The following SERF2 variants were observed in gnomAD, a reference collection of about 807,000 sequenced individuals.
The protein encoded by SERF2 is gastric cancer-related protein VRG107.
In SERF2, 4 loss-of-function variants were observed where a neutral mutation model predicts 10.7. The observed-to-expected ratio is 0.37, with a 90% CI of 0.18 to 0.86. The LOEUF (loss-of-function observed/expected upper bound fraction) is 0.86, where lower values mean the gene tolerates loss of function less well. Among genes scored for constraint, SERF2 ranks in the 40% least tolerant of loss-of-function variants. The pLI is 0.43. For synonymous variants in SERF2, 26 were observed against 26.0 expected (o/e 1.00, Z 0.01); for missense variants, 47 against 79.1 (o/e 0.59, Z 1.54).
chr15:43,792,130 T>A (rs988134064), upstream of SERF2: 6 of 550,168 alleles, frequency 1.1e-5, no homozygotes, highest in Admixed American at 3.0e-5. Flanking sequence ...CGTCCCTACG[T>A]CTCACTCGGG....
upstream of SERF2, among the ~76,000 whole-genome samples, chr15:43,791,081 C>CT (rs1429880132): frequency 1.6e-3 from 221 of 134,758 alleles, no homozygotes; most frequent in East Asian, 0.013. Flanking sequence ...CTTATTAACT[C>CT]TTTTTTTTTT....
At chr15:43,793,391 G>T (rs1157530861) in intron 2 of SERF2, 13 of 609,988 alleles carry the variant, frequency 2.1e-5, no homozygotes, top group South Asian at 1.4e-4. Flanking sequence ...CAGTACTTTT[G>T]GCCCTCCTTG....
rs2087193965 is a variant in SERF2 at position 43,795,588 on chromosome 15, C to CT, written c.*1817dup. On this transcript the variant is annotated 3_prime_UTR_variant, in exon 3 of 3. Coordinates refer to ENST00000249786, the MANE Select transcript of SERF2 (RefSeq NM_001018108.4). ...TGGGAGCAGAGCTGCTGAAACACCTCTTCCCCTCTCCCCCAACTACCTTTG... is the reference window on the plus strand; with the variant it reads ...TGGGAGCAGAGCTGCTGAAACACCTCTTTCCCCTCTCCCCCAACTACCTTTG... 6.2e-7 allele frequency: 1 copy of CT among 1,612,670 alleles called. No homozygotes were observed. The highest frequency in any genetic ancestry group is 1.3e-5 in the African/African-American group (1 of 74,892).
rs139213057 is a variant in SERF2, at chr15:43,779,235, G to C, written c.-527+1733G>C. 6.0e-3 allele frequency among the ~76,000 whole-genome samples: 913 copies of C among 152,216 alleles called. 5 individuals are homozygous for C. The highest frequency in any genetic ancestry group is 8.7e-3 in the Non-Finnish European group (592 of 68,014). ...GGTGGGAGTCTGAAAATTTTTTTCT[G>C]ATTGCTTCCATTTTTCTCAGTGAAG... On this transcript the variant is annotated intron_variant, in intron 1 of 4. Coordinates refer to the SERF2 transcript ENST00000381359.
Position 43,795,451 on chromosome 15 carries a change from G to T in SERF2, c.*1678G>T. ...GGCAAGGAAGAAGACGAAGTGGAAG[G>T]CAGAATAGTTGTAGGAAAGATGCTG... On this transcript the variant is annotated 3_prime_UTR_variant, in exon 3 of 3. Transcript: ENST00000249786. 6.2e-7 allele frequency: 1 copy of T among 1,614,206 alleles called. No individual in the cohort carries two copies. The highest frequency in any genetic ancestry group is 8.5e-7 in the Non-Finnish European group (1 of 1,180,030).
In SERF2 at chr15:43,794,126, A is replaced by ACT; in HGVS notation, c.*356_*357dup. 1.5e-6 allele frequency: 1 copy of ACT among 677,074 alleles called. No homozygotes were observed. The highest frequency in any genetic ancestry group is 2.4e-6 in the Non-Finnish European group (1 of 413,130). The allele number at this position is 677,074 out of a possible 1,614,324, so 41.9% of individuals were successfully genotyped here. ...GCCCTTTCCCACCAAAAAAGGGAGA[A>ACT]CTCTTTAGATTCAGATTGTGGGTAT... On this transcript the variant is annotated 3_prime_UTR_variant, in exon 3 of 3. Coordinates refer to ENST00000249786, the MANE Select transcript of SERF2 (RefSeq NM_001018108.4).
At chr15:43,787,877 T>G (rs955080699), upstream of SERF2, among the ~76,000 whole-genome samples, 72 of 148,848 alleles carry the variant, frequency 4.8e-4, no homozygotes, top group African/African-American at 1.7e-3. Context: ...TTTTTAGTTT[T>G]TTTTTTTTTT....
intron 1 of SERF2, among the ~76,000 whole-genome samples, chr15:43,784,741 C>T (rs1168865663): frequency 6.6e-6 from 1 of 151,250 alleles, no homozygotes; most frequent in Non-Finnish European, 1.5e-5. Flanking sequence ...CAGGTGTGAG[C>T]CACCGCGCCC....
In SERF2 at chr15:43,795,626, A is replaced by T; in HGVS notation, c.*1853A>T. The T allele has an allele frequency of 6.3e-7, 1 of 1,599,766 alleles. No individual in the cohort carries two copies. Among genetic ancestry groups the T allele is most frequent in the South Asian group, 1.1e-5 (1 of 90,692 alleles). On this transcript the variant is annotated 3_prime_UTR_variant, in exon 3 of 3. Transcript: ENST00000249786. ...CCAACTACCTTTGTTAAGGCTCTTG[A>T]GGGTTCTTATGGCACTCCACAGAGA...
intron 1 of SERF2, among the ~76,000 whole-genome samples, chr15:43,779,619 A>G (rs1469428897): frequency 2.0e-5 from 3 of 152,012 alleles, no homozygotes; most frequent in Non-Finnish European, 4.4e-5. Flanking sequence ...AGCCTCCTTC[A>G]TAGCTGTAAC....
intron 1 of SERF2, among the ~76,000 whole-genome samples, chr15:43,780,877 C>CT (rs1268794206): frequency 1.3e-5 from 2 of 152,114 alleles, no homozygotes; most frequent in South Asian, 2.1e-4. Flanking sequence ...GTTTTTCTCT[C>CT]TTTTTTTCAC....
chr15:43,790,614 C>CA (rs938696347), upstream of SERF2, among the ~76,000 whole-genome samples: 53 of 146,796 alleles, frequency 3.6e-4, no homozygotes, highest in Admixed American at 3.2e-3. Flanking sequence ...AACAAAAATA[C>CA]AAAAATTAGC....
intron 1 of SERF2, among the ~76,000 whole-genome samples, chr15:43,779,322 G>A (rs944154239): frequency 2.0e-5 from 3 of 152,122 alleles, no homozygotes; most frequent in Middle Eastern, 3.2e-3. Context: ...TGAAAATAGT[G>A]TGAAACAGTT....
chr15:43,795,054 C>T lies in SERF2; in HGVS notation c.*1281C>T, dbSNP rs373214024. On this transcript the variant is annotated 3_prime_UTR_variant, in exon 3 of 3. Coordinates refer to ENST00000249786, the MANE Select transcript of SERF2 (RefSeq NM_001018108.4). Reference sequence around the variant, plus strand: ...ATATGATGCGGTGGCGGCGGCGCCTCAAGATAAGGGGCTGGGGTTTCTGGG... The same window carrying T: ...ATATGATGCGGTGGCGGCGGCGCCTTAAGATAAGGGGCTGGGGTTTCTGGG... 11 of 1,607,792 alleles carry T rather than the reference C, an allele frequency of 6.8e-6. No individual in the cohort carries two copies. Among genetic ancestry groups the T allele is most frequent in the Non-Finnish European group, 9.4e-6 (11 of 1,175,774 alleles).
At chr15:43,792,118 C>T, upstream of SERF2, 1 of 573,540 alleles carries the variant, frequency 1.7e-6, no homozygotes, top group South Asian at 2.0e-5. Flanking sequence ...TTTCTCCAGG[C>T]CCGTCCCTAC....
Position 43,793,821 on chromosome 15 carries a change from G to C in SERF2, c.*48G>C, listed in dbSNP as rs754908367. The C allele has an allele frequency of 3.1e-5, 50 of 1,613,510 alleles. No homozygotes were observed. Among genetic ancestry groups the C allele is most frequent in the Admixed American group, 2.2e-4 (13 of 59,952 alleles). Reference sequence around the variant, plus strand: ...CTCTTGCCCTTCGCCTGTGTGCCTGGAGCCAGTCCCACCACGCTCGCGTTT... The same window carrying C: ...CTCTTGCCCTTCGCCTGTGTGCCTGCAGCCAGTCCCACCACGCTCGCGTTT... On this transcript the variant is annotated 3_prime_UTR_variant, in exon 3 of 3. Coordinates refer to ENST00000249786, the MANE Select transcript of SERF2 (RefSeq NM_001018108.4).
exon 1 of SERF2, chr15:43,777,258 C>T (rs2086927983): frequency 6.6e-6 from 3 of 456,450 alleles, no homozygotes; most frequent in Middle Eastern, 6.4e-4. Context: ...CCCAGCGACC[C>T]TGAATTTGGA....
At chr15:43,792,725 C>T in intron 1 of SERF2, 1 of 909,566 alleles carries the variant, frequency 1.1e-6, no homozygotes, top group Non-Finnish European at 1.6e-6. Flanking sequence ...TGTTTGGGCC[C>T]CACGCCGCCC....
At chr15:43,793,331 G>T in intron 2 of SERF2, 1 of 575,926 alleles carries the variant, frequency 1.7e-6, no homozygotes, top group Non-Finnish European at 3.1e-6. Flanking sequence ...GACCTTAAGG[G>T]CAAGGGCAGG....
Sources: allele counts gnomAD v4.1 joint callset (sites outside exome capture counted in the v4.1 genomes callset), GRCh38; gene constraint gnomAD v4.1.1; transcripts MANE v1.5; gene names NCBI Gene and HGNC (gene_info 2026-07-23, HGNC 2026-07-21).